The following BEST1 variants were observed in gnomAD, a reference collection of about 807,000 sequenced individuals.
BEST1 encodes bestrophin-1.
Under a neutral mutation model 63.3 loss-of-function variants are expected in BEST1, and 58 were observed. The observed-to-expected ratio is 0.92, with a 90% CI of 0.74 to 1.14. The LOEUF is 1.14. Ranked by LOEUF, BEST1 falls within the 50% of genes most tolerant of loss-of-function variation. The probability of loss-of-function intolerance (pLI) is 0.00; values close to 1 mark genes in which losing one functional copy is unlikely to be tolerated. For missense variants in BEST1, 671 were observed against 740.1 expected, an observed-to-expected ratio of 0.91 and a Z score of 1.08; for synonymous variants, 283 against 291.6, an observed-to-expected ratio of 0.97 and a Z score of 0.30.
intron 2 of BEST1, among the ~76,000 whole-genome samples, 169 bp downstream of exon 2, chr11:61,952,127 T>TG (rs1484158445): frequency 1.3e-4 from 20 of 151,946 alleles, no homozygotes; most frequent in Admixed American, 1.2e-3. Flanking sequence ...GGCTGGGGGC[T>TG]GGGGAGAGAA....
At chr11:61,951,999 G>A (rs777538835) in intron 2 of BEST1, 41 bp downstream of exon 2, 14 of 1,608,664 alleles carry the variant, frequency 8.7e-6, no homozygotes, top group African/African-American at 1.3e-5. Flanking sequence ...TGGGAAGGAT[G>A]TGGCTGGGGC....
At chr11:61,962,967 C>T (rs566374710) in intron 10 of BEST1, 74 bp downstream of exon 10, 3 of 1,612,696 alleles carry the variant, frequency 1.9e-6, no homozygotes, top group Non-Finnish European at 2.5e-6. Context: ...TCTGAGCCTA[C>T]CCTTCCTCCA....
chr11:61,961,591 C>T (rs195156), intron 9 of BEST1: 125,610 of 153,552 alleles, frequency 0.82, 52,604 homozygotes, highest in East Asian at 0.97. Flanking sequence ...CAAACCCAAG[C>T]CTCAAACTCT....
At chr11:61,961,511 G>C (rs1250747925) in intron 9 of BEST1, 1 of 152,672 alleles carries the variant, frequency 6.5e-6, no homozygotes, top group Admixed American at 6.5e-5. Context: ...TGAGGGGTGG[G>C]GAGGGCTGAA....
intron 4 of BEST1, among the ~76,000 whole-genome samples, 154 bp downstream of exon 4, chr11:61,956,105 T>C (rs1417031331): frequency 2.6e-5 from 4 of 151,850 alleles, no homozygotes; most frequent in African/African-American, 4.8e-5. Flanking sequence ...GGGGGTCCAA[T>C]TGGGCGGGAC....
chr11:61,955,147 C>T lies in BEST1; in HGVS notation c.193C>T (p.Leu65=). The T allele has an allele frequency of 6.2e-7, 1 of 1,611,694 alleles. No homozygotes were observed. Among genetic ancestry groups the T allele is most frequent in the Non-Finnish European group, 8.5e-7 (1 of 1,177,722 alleles). The change falls in exon 3 of 11, where the codon CTG becomes TTG. Residue 65 remains leucine (L), a synonymous_variant. Coordinates refer to ENST00000378043, the MANE Select transcript of BEST1 (RefSeq NM_004183.4). The part of the protein sequence containing the change: ...TEEQQLMFEK[L]TLYCDSYIQL... Reference sequence around the variant, plus strand: ...AGAACAACAGCTGATGTTTGAGAAACTGACTCTGTATTGCGACAGCTACAT... The same window carrying T: ...AGAACAACAGCTGATGTTTGAGAAATTGACTCTGTATTGCGACAGCTACAT...
chr11:61,952,159 G>C (rs554673157), intron 2 of BEST1, among the ~76,000 whole-genome samples: 123 of 152,312 alleles, frequency 8.1e-4, no homozygotes, highest in Admixed American at 4.8e-3. Flanking sequence ...CTGAGAGGCT[G>C]CTCAAGCCAG....
In BEST1 at chr11:61,964,342, A is replaced by C. The variant is rs886048429; in HGVS notation, c.*220A>C. ...TGTGAAAGCTAGACTGAACCATTGG[A>C]AACATTTAACTCAGACTCTGGATTC... On this transcript the variant is annotated 3_prime_UTR_variant, in exon 11 of 11. Transcript: ENST00000378043. The C allele has an allele frequency of 1.6e-5, 15 of 917,530 alleles. No individual in the cohort carries two copies. The highest frequency in any genetic ancestry group is 2.2e-5 in the Non-Finnish European group (14 of 625,242). The allele number at this position is 917,530 out of a possible 1,614,324, so 56.8% of individuals were successfully genotyped here. A position where few individuals can be genotyped will look rare whatever the true frequency, so the allele number is the denominator to read the frequency against.
Position 61,964,425 on chromosome 11 carries a change from C to T in BEST1, c.*303C>T. Reference sequence around the variant, plus strand: ...AAGACAGCCACACCTTAGTATACTGCCCAAACTAATGAGTTTAATAAATAC... The same window carrying T: ...AAGACAGCCACACCTTAGTATACTGTCCAAACTAATGAGTTTAATAAATAC... On this transcript the variant is annotated 3_prime_UTR_variant, in exon 11 of 11. Coordinates refer to ENST00000378043, the MANE Select transcript of BEST1 (RefSeq NM_004183.4). 1.6e-6 allele frequency: 1 copy of T among 619,334 alleles called. No individual in the cohort carries two copies. Among genetic ancestry groups the T allele is most frequent in the Non-Finnish European group, 2.8e-6 (1 of 358,156 alleles). The allele number at this position is 619,334 out of a possible 1,614,324, so 38.4% of individuals were successfully genotyped here. A position where few individuals can be genotyped will look rare whatever the true frequency, so the allele number is the denominator to read the frequency against.
chr11:61,958,281 T>C lies in BEST1; in HGVS notation c.850T>C (p.Tyr284His), dbSNP rs1941618522. Residue 284 changes from tyrosine to histidine, a missense_variant, in exon 7 of 11, where the codon TAT becomes CAT. By Grantham distance (83) the Tyr-to-His change is moderately conservative. Transcript: ENST00000378043. ...CTTCACGTTCCTGCAGTTCTTCTTC[T>C]ATGTTGGCTGGCTGAAGGTGGGCCT... ...PVFTFLQFFFYVGWLKVAEQL... is the reference protein window; with the variant it reads ...PVFTFLQFFFHVGWLKVAEQL... 1.9e-6 allele frequency: 3 copies of C among 1,614,090 alleles called. No individual in the cohort carries two copies. Among genetic ancestry groups the C allele is most frequent in the African/African-American group, 2.7e-5 (2 of 74,932 alleles).
intron 10 of BEST1, chr11:61,963,242 T>A: frequency 1.4e-6 from 2 of 1,384,104 alleles, no homozygotes. Context: ...CCAACTTACT[T>A]TGAGCAAGGG....
At position 61,964,203 on chromosome 11, in the gene BEST1, A is replaced by G; in HGVS notation, c.*81A>G. 1 of 1,607,384 alleles carries G rather than the reference A, an allele frequency of 6.2e-7. No homozygotes were observed. Among genetic ancestry groups the G allele is most frequent in the Non-Finnish European group, 8.5e-7 (1 of 1,177,336 alleles). On this transcript the variant is annotated 3_prime_UTR_variant, in exon 11 of 11. Transcript: ENST00000378043. ...GCAGGACACTGATCCAGTCACAGCC[A>G]TACAGCTGTCCACACTGAAGAACAT...
At chr11:61,955,272 A>G in intron 3 of BEST1, 71 bp downstream of exon 3, 1 of 1,571,086 alleles carries the variant, frequency 6.4e-7, no homozygotes, top group Non-Finnish European at 8.7e-7. Flanking sequence ...GGGGAGGATC[A>G]CGAGGAGCTG....
intron 2 of BEST1, chr11:61,954,663 A>G (rs1013874193): frequency 2.8e-6 from 1 of 361,610 alleles, no homozygotes; most frequent in Non-Finnish European, 3.8e-6. Flanking sequence ...GGGTCTTGCT[A>G]TGTTGCCCAG....
intron 7 of BEST1, chr11:61,958,873 GAC>G (rs71471844): frequency 3.6e-3 from 689 of 192,056 alleles, no homozygotes; most frequent in Middle Eastern, 9.9e-3. Context: ...CTGTCACTGT[GAC>G]ACACACACAC....
chr11:61,955,316 C>T, intron 3 of BEST1, 115 bp downstream of exon 3: 3 of 1,566,348 alleles, frequency 1.9e-6, no homozygotes, highest in Non-Finnish European at 2.6e-6. Flanking sequence ...GGGGGAACGC[C>T]AGCGGCAGGT....
At chr11:61,958,762 T>C (rs1941681596) in intron 7 of BEST1, 2 of 347,978 alleles carry the variant, frequency 5.7e-6, no homozygotes, top group Non-Finnish European at 1.1e-5. Flanking sequence ...TCTCTCCACC[T>C]CTTTATCTTT....
chr11:61,955,453 C>CT (rs1424695832), intron 3 of BEST1: 2 of 1,348,982 alleles, frequency 1.5e-6, no homozygotes, highest in African/African-American at 2.9e-5. Context: ...ATCATGGTCC[C>CT]TGGAGCCCCT....
intron 2 of BEST1, among the ~76,000 whole-genome samples, chr11:61,953,036 G>A (rs57890952): frequency 0.03 from 4,612 of 152,190 alleles, 258 homozygotes; most frequent in African/African-American, 0.11. Context: ...CTGTGAGGTC[G>A]AGGCTGCAGT....
Sources: gnomAD v4.1 joint callset for allele counts (sites outside exome capture counted in the v4.1 genomes callset) on GRCh38, gnomAD v4.1.1 for gene constraint, MANE v1.5 for transcripts, NCBI Gene and HGNC (gene_info 2026-07-23, HGNC 2026-07-21) for gene names.